The following SEMA6D variants were observed in gnomAD, a reference collection of about 807,000 sequenced individuals.
SEMA6D encodes the protein semaphorin-6D.
Under a neutral mutation model 106.6 loss-of-function variants are expected in SEMA6D, and 35 were observed. That is an observed-to-expected ratio of 0.33 (90% CI 0.25 to 0.44). The LOEUF (loss-of-function observed/expected upper bound fraction) is 0.44, where lower values mean the gene tolerates loss of function less well. Among genes scored for constraint, SEMA6D ranks in the 20% least tolerant of loss-of-function variants. The pLI, the probability that SEMA6D is intolerant of heterozygous loss-of-function variation, is 1.00. For synonymous variants in SEMA6D, 499 were observed against 487.7 expected, an observed-to-expected ratio of 1.02 and a Z score of -0.31; for missense variants, 1,185 against 1,345.9, an observed-to-expected ratio of 0.88 and a Z score of 1.87.
chr15:47,367,583 A>G (rs1266314250), intron 1 of SEMA6D, among the ~76,000 whole-genome samples: 2 of 152,088 alleles, frequency 1.3e-5, no homozygotes, highest in Non-Finnish European at 2.9e-5. Flanking sequence ...AGTTGCCTTA[A>G]GCTATTTTGA....
At chr15:47,406,538 A>G (rs553946730) in intron 1 of SEMA6D, among the ~76,000 whole-genome samples, 8 of 152,314 alleles carry the variant, frequency 5.3e-5, no homozygotes, top group African/African-American at 1.9e-4. Context: ...ATAATAATTT[A>G]TTAATAATTA....
chr15:47,717,991 G>C (rs1368394991), intron 1 of SEMA6D, among the ~76,000 whole-genome samples: 1 of 152,146 alleles, frequency 6.6e-6, no homozygotes, highest in Non-Finnish European at 1.5e-5. Context: ...CAAAGCTGGC[G>C]GCTTAGGGGG....
chr15:47,573,675 A>G (rs903390739), intron 3 of SEMA6D, among the ~76,000 whole-genome samples: 1 of 152,182 alleles, frequency 6.6e-6, no homozygotes, highest in Non-Finnish European at 1.5e-5. Context: ...CTAAATTGCC[A>G]CTATTAAAAC....
intron 1 of SEMA6D, among the ~76,000 whole-genome samples, chr15:47,374,481 T>G (rs972576985): frequency 1.3e-5 from 2 of 152,140 alleles, no homozygotes; most frequent in African/African-American, 4.8e-5. Context: ...ATTGCCTCCT[T>G]GATTCTGTTG....
At chr15:47,487,545 G>A (rs185623100) in intron 3 of SEMA6D, among the ~76,000 whole-genome samples, 1 of 152,250 alleles carries the variant, frequency 6.6e-6, no homozygotes, top group East Asian at 1.9e-4. Flanking sequence ...AAAATCATAA[G>A]TTGGATTACA....
In SEMA6D at chr15:47,770,569, T is replaced by C. The variant is rs1200376529; in HGVS notation, c.2006T>C (p.Phe669Ser). 1 of 1,613,800 alleles carries C rather than the reference T, an allele frequency of 6.2e-7. No homozygotes were observed. The highest frequency in any genetic ancestry group is 8.5e-7 in the Non-Finnish European group (1 of 1,179,860). The change falls in exon 19 of 19, where the codon TTT (phenylalanine) becomes TCT (serine). Residue 669 changes from phenylalanine (F) to serine (S), a missense_variant. Transcript: ENST00000536845. ...ATGAATGTCCTCATCACCTGTGTCT[T>C]TGCTGCTTTTGTTTTGGGGGCATTC... ...VHMNVLITCV[F>S]AAFVLGAFIA...
At chr15:47,611,689 C>T (rs1016187363) in intron 4 of SEMA6D, among the ~76,000 whole-genome samples, 1 of 151,850 alleles carries the variant, frequency 6.6e-6, no homozygotes, top group Non-Finnish European at 1.5e-5. Context: ...ATAGTTAAGA[C>T]GTAAAGGATT....
intron 1 of SEMA6D, among the ~76,000 whole-genome samples, chr15:47,377,221 A>G (rs1446468249): frequency 3.3e-5 from 5 of 152,248 alleles, no homozygotes; most frequent in Non-Finnish European, 5.9e-5. Context: ...TGGATTTTGA[A>G]TCAAATATAT....
intron 1 of SEMA6D, among the ~76,000 whole-genome samples, chr15:47,253,763 G>A (rs2033645288): frequency 6.6e-6 from 1 of 152,126 alleles, no homozygotes; most frequent in East Asian, 1.9e-4. Context: ...TTGCTTTCTA[G>A]TATATTCTGA....
intron 1 of SEMA6D, among the ~76,000 whole-genome samples, chr15:47,195,154 C>T (rs188826603): frequency 1.4e-4 from 22 of 152,004 alleles, no homozygotes; most frequent in African/African-American, 4.8e-4. Context: ...TTTTACTTTC[C>T]CTTGAGTGTT....
At chr15:47,717,401 C>G (rs1353560954), upstream of SEMA6D, 1 of 152,058 alleles carries the variant, frequency 6.6e-6, no homozygotes, top group Admixed American at 6.5e-5. Context: ...CGGGAGCTGC[C>G]GAGTGCGTGG....
chr15:47,744,347 A>AGC (rs2080994778), intron 1 of SEMA6D, among the ~76,000 whole-genome samples: 4 of 152,288 alleles, frequency 2.6e-5, no homozygotes, highest in Non-Finnish European at 5.9e-5. Flanking sequence ...GAAGTTTATT[A>AGC]AATATCAGCT....
intron 4 of SEMA6D, among the ~76,000 whole-genome samples, chr15:47,705,147 A>G (rs1344980909): frequency 6.6e-6 from 1 of 152,132 alleles, no homozygotes; most frequent in Admixed American, 6.5e-5. Context: ...CACCTATGGG[A>G]CACAGCCCAA....
At chr15:47,643,746 A>T (rs1415792356) in intron 4 of SEMA6D, among the ~76,000 whole-genome samples, 1 of 152,182 alleles carries the variant, frequency 6.6e-6, no homozygotes, top group Non-Finnish European at 1.5e-5. Flanking sequence ...AACATTTATC[A>T]TTTCTGTGTG....
chr15:47,634,720 T>C (rs2077352000), intron 4 of SEMA6D, among the ~76,000 whole-genome samples: 1 of 151,544 alleles, frequency 6.6e-6, no homozygotes, highest in Admixed American at 6.6e-5. Context: ...GGGGCAATTG[T>C]AGCACTGCCT....
At chr15:47,271,357 T>C (rs1387664214) in intron 1 of SEMA6D, among the ~76,000 whole-genome samples, 1 of 152,116 alleles carries the variant, frequency 6.6e-6, no homozygotes, top group Non-Finnish European at 1.5e-5. Flanking sequence ...CAGGGCTGGG[T>C]CTTACCTGGG....
chr15:47,710,549 C>G (rs180953987), intron 4 of SEMA6D, among the ~76,000 whole-genome samples: 2 of 152,048 alleles, frequency 1.3e-5, no homozygotes, highest in African/African-American at 4.8e-5. Context: ...GAATTCATAA[C>G]GCCTTAAACA....
rs568178368 is a variant in SEMA6D, at chr15:47,709,091, G to C, written c.-54-50654G>C. On this transcript the variant is annotated intron_variant, in intron 4 of 19. Coordinates refer to the SEMA6D transcript ENST00000558014. ...TCAAGTGAGGTTGAACCAATGAAGA[G>C]CACCTGCAGGGGATCAGAAAGAGGG... Among the ~76,000 whole-genome samples, 13 of 152,248 alleles carry C rather than the reference G, an allele frequency of 8.5e-5. No homozygotes were observed. In the South Asian group the frequency reaches 2.5e-3, roughly 29 times the overall value.
rs897300458 is a variant in SEMA6D at position 47,188,050 on chromosome 15, G to A, written c.-239+3632G>A. Among the ~76,000 whole-genome samples the A allele has an allele frequency of 6.7e-4, 102 of 152,232 alleles. 1 individual carries two copies. The highest frequency in any genetic ancestry group is 3.8e-4 in the Non-Finnish European group (26 of 67,974). ...TGTCTTTGCTTTGCTACATTTGAAT[G>A]GTGGCTTTAATTCCACTCACTTTTT... On this transcript the variant is annotated intron_variant, in intron 1 of 19. Coordinates refer to the SEMA6D transcript ENST00000558014.
Sources: gnomAD v4.1 joint callset for allele counts (sites outside exome capture counted in the v4.1 genomes callset) on GRCh38, gnomAD v4.1.1 for gene constraint, MANE v1.5 for transcripts, NCBI Gene and HGNC (gene_info 2026-07-23, HGNC 2026-07-21) for gene names.